The following CDH11 variants were observed in gnomAD, a reference collection of about 807,000 sequenced individuals.
CDH11 encodes cadherin-11.
Under a neutral mutation model 67.8 loss-of-function variants are expected in CDH11, and 11 were observed. That is an observed-to-expected ratio of 0.16 (90% CI 0.10 to 0.27). The LOEUF is 0.27. CDH11 is among the 10% of genes least tolerant of loss of function. The pLI is 1.00. For missense variants in CDH11, 847 were observed against 1,031.2 expected, an observed-to-expected ratio of 0.82 and a Z score of 2.45; for synonymous variants, 419 against 400.0, an observed-to-expected ratio of 1.05 and a Z score of -0.57.
At chr16:65,107,421 CGTGCTGGCTTCATCCTCTCTACCA>C (rs991125954) in intron 1 of CDH11, among the ~76,000 whole-genome samples, 5 of 152,182 alleles carry the variant, frequency 3.3e-5, no homozygotes, top group Non-Finnish European at 7.3e-5. Flanking sequence ...CTTCCACCCT[CGTGCTGGCTTCATCCTCTCTACCA>C]GTGAGGTGAC....
intron 1 of CDH11, among the ~76,000 whole-genome samples, chr16:65,067,534 T>G (rs1419986196): frequency 6.6e-6 from 1 of 152,234 alleles, no homozygotes; most frequent in Non-Finnish European, 1.5e-5. Context: ...ATTGTGCTCA[T>G]TGATTTATTG....
chr16:65,088,670 A>G (rs1370989448), intron 1 of CDH11, among the ~76,000 whole-genome samples: 1 of 152,164 alleles, frequency 6.6e-6, no homozygotes, highest in Non-Finnish European at 1.5e-5. Flanking sequence ...AGCATTTTTT[A>G]TCAGCTATAT....
In CDH11 at chr16:64,988,820, CT is replaced by C. The variant is rs548736967; in HGVS notation, c.812-477del. On this transcript the variant is annotated intron_variant, in intron 6 of 12. Coordinates refer to ENST00000268603, the MANE Select transcript of CDH11 (RefSeq NM_001797.4). ...TCCATAGTTACTTTAAAAATGCAAA[CT>C]TTAACATCCCTCCCTGTCTAACTCT... 1.9e-3 allele frequency among the ~76,000 whole-genome samples: 294 copies of C among 152,244 alleles called. 1 individual carries two copies. Among genetic ancestry groups the C allele is most frequent in the African/African-American group, 7.0e-3 (292 of 41,560 alleles).
chr16:65,085,358 C>T (rs933148511), intron 1 of CDH11, among the ~76,000 whole-genome samples: 2 of 152,214 alleles, frequency 1.3e-5, no homozygotes, highest in African/African-American at 4.8e-5. Flanking sequence ...CCCATTCCAC[C>T]TTAGTCATCT....
At chr16:65,110,687 T>C (rs974622287) in intron 1 of CDH11, among the ~76,000 whole-genome samples, 4 of 148,584 alleles carry the variant, frequency 2.7e-5, no homozygotes, top group African/African-American at 5.0e-5. Flanking sequence ...AGATACTGAA[T>C]CCAAATTTAA....
chr16:65,059,759 G>T (rs2074206738), intron 1 of CDH11: 1 of 152,208 alleles, frequency 6.6e-6, no homozygotes, highest in African/African-American at 2.4e-5. Context: ...CTTGTCCAAT[G>T]CCGGTCTTAT....
Position 64,946,052 on chromosome 16 carries a change from G to A in CDH11, c.*1551C>T. 9.4e-7 allele frequency: 1 copy of A among 1,058,900 alleles called. No individual in the cohort carries two copies. Among genetic ancestry groups the A allele is most frequent in the East Asian group, 5.2e-5 (1 of 19,292 alleles). 65.6% of individuals were successfully genotyped at this position (1,058,900 alleles called of 1,614,324 possible). A position where few individuals can be genotyped will look rare whatever the true frequency, so the allele number is the denominator to read the frequency against. ...ACTAGCTGGAATGCAGGGGACTGTA[G>A]ACACACTCCTGGACCAAATGGCATC... On this transcript the variant is annotated 3_prime_UTR_variant, in exon 13 of 13. Transcript: ENST00000268603.
At chr16:65,026,938 T>C (rs1046251830) in intron 2 of CDH11, among the ~76,000 whole-genome samples, 1 of 152,218 alleles carries the variant, frequency 6.6e-6, no homozygotes, top group Non-Finnish European at 1.5e-5. Context: ...TATCTTCTAA[T>C]AAATGGACCC....
intron 1 of CDH11, among the ~76,000 whole-genome samples, chr16:65,116,819 T>G (rs2075253180): frequency 6.6e-6 from 1 of 152,112 alleles, no homozygotes; most frequent in South Asian, 2.1e-4. Flanking sequence ...GCATCATTAG[T>G]CTCTCTCATA....
intron 8 of CDH11, among the ~76,000 whole-genome samples, chr16:64,976,632 A>T (rs1304055753): frequency 1.3e-5 from 2 of 152,190 alleles, no homozygotes; most frequent in Admixed American, 6.6e-5. Flanking sequence ...AGGTGGGCGG[A>T]TCACCAGAGG....
chr16:65,075,984 T>G (rs1037929999), intron 1 of CDH11, among the ~76,000 whole-genome samples: 1 of 152,160 alleles, frequency 6.6e-6, no homozygotes, highest in Admixed American at 6.5e-5. Context: ...TGAAAAAGGA[T>G]GTGAGCATGT....
At chr16:65,000,993 C>T (rs2072907554) in intron 3 of CDH11, among the ~76,000 whole-genome samples, 1 of 151,592 alleles carries the variant, frequency 6.6e-6, no homozygotes, top group South Asian at 2.1e-4. Context: ...GAGACCTTAA[C>T]TCATGATTAT....
At chr16:65,016,361 ATAC>A (rs2073308824) in intron 2 of CDH11, among the ~76,000 whole-genome samples, 2 of 152,178 alleles carry the variant, frequency 1.3e-5, no homozygotes, top group Non-Finnish European at 2.9e-5. Flanking sequence ...AAGTAATGGG[ATAC>A]AGCAAACTAG....
intron 1 of CDH11, among the ~76,000 whole-genome samples, chr16:65,056,284 AT>A (rs2074141383): frequency 6.6e-6 from 1 of 152,128 alleles, no homozygotes; most frequent in South Asian, 2.1e-4. Flanking sequence ...GTGCCAATCC[AT>A]TTCCAGCTCT....
At chr16:65,054,225 A>G (rs902875580) in intron 1 of CDH11, among the ~76,000 whole-genome samples, 2 of 152,180 alleles carry the variant, frequency 1.3e-5, no homozygotes, top group Non-Finnish European at 2.9e-5. Context: ...ATTCACATAC[A>G]TTTGCTCTTG....
chr16:65,112,383 A>C (rs145038940), intron 1 of CDH11, among the ~76,000 whole-genome samples: 3 of 152,184 alleles, frequency 2.0e-5, no homozygotes, highest in Non-Finnish European at 2.9e-5. Flanking sequence ...GAATTCTGTT[A>C]TTTCTTTCCC....
At chr16:65,118,168 C>A (rs1290250980) in intron 1 of CDH11, among the ~76,000 whole-genome samples, 1 of 152,174 alleles carries the variant, frequency 6.6e-6, no homozygotes, top group Non-Finnish European at 1.5e-5. Flanking sequence ...CCATTGCCCT[C>A]TAGTGGCCAG....
intron 10 of CDH11, 24 bp downstream of exon 10, chr16:64,971,907 C>G (rs1251649617): frequency 6.2e-7 from 1 of 1,612,722 alleles, no homozygotes; most frequent in Non-Finnish European, 8.5e-7. Flanking sequence ...TGTTCCTAGC[C>G]AAGAATAGGG....
chr16:65,115,767 C>T (rs2075236016), intron 1 of CDH11, among the ~76,000 whole-genome samples: 1 of 143,824 alleles, frequency 7.0e-6, no homozygotes, highest in African/African-American at 2.6e-5. Flanking sequence ...TACTTTAATG[C>T]ATTATTTTAA....
Sources: allele counts gnomAD v4.1 joint callset (sites outside exome capture counted in the v4.1 genomes callset), GRCh38; gene constraint gnomAD v4.1.1; transcripts MANE v1.5; gene names NCBI Gene and HGNC (gene_info 2026-07-23, HGNC 2026-07-21).